The following TMEM89 variants were observed in gnomAD, a reference collection of about 807,000 sequenced individuals.
TMEM89 encodes transmembrane protein 89.
TMEM89 carries 4 observed loss-of-function variants against 9.3 expected under a neutral mutation model. The observed-to-expected ratio is 0.43, with a 90% CI of 0.21 to 0.98. The LOEUF is 0.98. Among genes scored for constraint, TMEM89 ranks in the 50% least tolerant of loss-of-function variants. TMEM89 has a pLI of 0.27. For synonymous variants in TMEM89, 96 were observed against 92.5 expected, an observed-to-expected ratio of 1.04 and a Z score of -0.21; for missense variants, 220 against 214.7, an observed-to-expected ratio of 1.02 and a Z score of -0.15.
At position 48,621,504 on chromosome 3, in the gene TMEM89, T is replaced by C; in HGVS notation, c.253A>G (p.Ile85Val). The C allele has an allele frequency of 1.2e-6, 2 of 1,613,838 alleles. No individual in the cohort carries two copies. Among genetic ancestry groups the C allele is most frequent in the Non-Finnish European group, 1.7e-6 (2 of 1,179,950 alleles). Residue 85 changes from isoleucine (I) to valine (V), a missense_variant, in exon 1 of 2, where the codon ATA (isoleucine) becomes GTA (valine). By Grantham distance (29) the Ile-to-Val change is conservative. Coordinates refer to ENST00000330862, the MANE Select transcript of TMEM89 (RefSeq NM_001008269.3). ...TTTMLMICRK[I>V]LQGRRRSQAT... ...TGTGAGCGCCGCCGCCCCTGCAGTATCTTGCGGCAGATCATCAGCATCGTG... is the reference window on the plus strand; with the variant it reads ...TGTGAGCGCCGCCGCCCCTGCAGTACCTTGCGGCAGATCATCAGCATCGTG...
At chr3:48,621,066 G>T (rs1326809065) in intron 1 of TMEM89, 39 bp from the exon 2 acceptor site, 3 of 1,599,864 alleles carry the variant, frequency 1.9e-6, no homozygotes, top group South Asian at 2.2e-5. Context: ...AGAATGGTGG[G>T]CAGAGAGGGA....
At position 48,620,996 on chromosome 3, in the gene TMEM89, G is replaced by A; in HGVS notation, c.326C>T (p.Pro109Leu). 1 of 1,614,096 alleles carries A rather than the reference G, an allele frequency of 6.2e-7. No homozygotes were observed. Among genetic ancestry groups the A allele is most frequent in the Non-Finnish European group, 8.5e-7 (1 of 1,180,018 alleles). The change falls in exon 2 of 2, where the codon CCC becomes CTC. Residue 109 changes from proline (P) to leucine (L), a missense_variant. Transcript: ENST00000330862. ...HPQVTTEPCG[P>L]WKRRAPISDH... ...TGAGATTGGGGCCCGCCGTTTCCAG[G>A]GTCCGCAGGGCTCAGTGGTCACCTG...
chr3:48,621,085 A>G (rs959346886), intron 1 of TMEM89, 58 bp from the exon 2 acceptor site: 2 of 1,568,964 alleles, frequency 1.3e-6, no homozygotes, highest in South Asian at 2.2e-5. Flanking sequence ...GAGATGTGAC[A>G]AGGGGCAGTG....
Position 48,621,602 on chromosome 3 carries a change from A to T in TMEM89, c.155T>A (p.Leu52Gln), listed in dbSNP as rs773991901. ...PKSVEGCRGG[L>Q]SCPGYWLGPG... ...GCCCAGCCAGTAGCCAGGACAGCTC[A>T]GGCCACCCCTACAGCCCTCCACACT... Residue 52 changes from leucine (L) to glutamine (Q), a missense_variant, in exon 1 of 2, where the codon CTG (leucine) becomes CAG (glutamine). Transcript: ENST00000330862. 6.2e-7 allele frequency: 1 copy of T among 1,613,840 alleles called. No individual in the cohort carries two copies.
chr3:48,621,459 T>C lies in TMEM89; in HGVS notation c.294+4A>G. On this transcript the variant is annotated splice_donor_region_variant and intron_variant, in intron 1 of 1. Coordinates refer to ENST00000330862, the MANE Select transcript of TMEM89 (RefSeq NM_001008269.3). ...TGTGGGGGAGAAAGAAGAGCTGTGC[T>C]CACCTCACCCTTGGTGGCCTGTGAG... 3 of 1,612,048 alleles carry C rather than the reference T, an allele frequency of 1.9e-6. No homozygotes were observed. Among genetic ancestry groups the C allele is most frequent in the Non-Finnish European group, 1.7e-6 (2 of 1,179,374 alleles).
intron 1 of TMEM89, 104 bp from the exon 2 acceptor site, chr3:48,621,131 G>A: frequency 8.6e-7 from 1 of 1,167,100 alleles, no homozygotes; most frequent in Non-Finnish European, 1.2e-6. Context: ...GTGTGGGGCA[G>A]TGCCCAGATG....
chr3:48,621,645 A>G lies in TMEM89; in HGVS notation c.112T>C (p.Trp38Arg). ...TCCACACTCTTTGGCTGACACCCCC[A>G]GGGCTGCAAGTCCAGCCCCACCTGG... ...WYQVGLDLQP[W>R]GCQPKSVEGC... Residue 38 changes from tryptophan (W) to arginine (R), a missense_variant, in exon 1 of 2, where the codon TGG (tryptophan) becomes CGG (arginine). Transcript: ENST00000330862. 1 of 1,613,926 alleles carries G rather than the reference A, an allele frequency of 6.2e-7. No homozygotes were observed. The highest frequency in any genetic ancestry group is 8.5e-7 in the Non-Finnish European group (1 of 1,179,970).
In TMEM89 at chr3:48,621,242, A is replaced by G. The variant is rs1416683409; in HGVS notation, c.295-215T>C. The stretch of plus-strand genomic sequence containing the variant: ...GGGGCTGGATGAGAGCAGGGGTACT[A>G]AAGGGGAGAGTTGGGGGCAGGGTGC... On this transcript the variant is annotated intron_variant, in intron 1 of 1. Transcript: ENST00000330862. Among the ~76,000 whole-genome samples the G allele has an allele frequency of 2.0e-5, 3 of 151,756 alleles. No homozygotes were observed. In the South Asian group the frequency reaches 6.3e-4, roughly 32 times the overall value.
rs149341572 is a variant in TMEM89, at chr3:48,621,488, C to T, written c.269G>A (p.Arg90Gln). ...CTCACCCTTGGTGGCCTGTGAGCGCCGCCGCCCCTGCAGTATCTTGCGGCA... is the reference window on the plus strand; with the variant it reads ...CTCACCCTTGGTGGCCTGTGAGCGCTGCCGCCCCTGCAGTATCTTGCGGCA... ...MICRKILQGR[R>Q]RSQATKGEHP... The change falls in exon 1 of 2, where the codon CGG becomes CAG. Residue 90 changes from arginine (R) to glutamine (Q), a missense_variant. Coordinates refer to ENST00000330862, the MANE Select transcript of TMEM89 (RefSeq NM_001008269.3). 475 of 1,613,464 alleles carry T rather than the reference C, an allele frequency of 2.9e-4. 1 individual carries two copies. The highest frequency in any genetic ancestry group is 1.7e-4 in the Middle Eastern group (1 of 6,036).
Position 48,620,944 on chromosome 3 carries a change from C to T in TMEM89, c.378G>A (p.Leu126=), listed in dbSNP as rs780800359. ...GGACCAGGAGGGCATCCAGCATGTG[C>T]AGGACCCCACGGAGCAGGGTGTGGT... ...ISDHTLLRGV[L]HMLDALLVHI... is the part of the protein sequence containing the mutation. The change falls in exon 2 of 2, where the codon CTG becomes CTA. Residue 126 remains leucine (L), a synonymous_variant. Transcript: ENST00000330862. 1.2e-6 allele frequency: 2 copies of T among 1,614,030 alleles called. No individual in the cohort carries two copies. The highest frequency in any genetic ancestry group is 1.7e-6 in the Non-Finnish European group (2 of 1,180,036).
chr3:48,620,990 T>C lies in TMEM89; in HGVS notation c.332A>G (p.Lys111Arg). 3.1e-6 allele frequency: 5 copies of C among 1,614,054 alleles called. No individual in the cohort carries two copies. The highest frequency in any genetic ancestry group is 4.2e-6 in the Non-Finnish European group (5 of 1,180,012). ...GTGGTCTGAGATTGGGGCCCGCCGT[T>C]TCCAGGGTCCGCAGGGCTCAGTGGT... is the stretch of plus-strand genomic sequence containing the variant. ...QVTTEPCGPWKRRAPISDHTL... is the reference protein window; with the variant it reads ...QVTTEPCGPWRRRAPISDHTL... The change falls in exon 2 of 2, where the codon AAA becomes AGA. Residue 111 changes from lysine to arginine, a missense_variant. Physicochemically the swap from Lys to Arg is conservative, Grantham distance 26. Coordinates refer to ENST00000330862, the MANE Select transcript of TMEM89 (RefSeq NM_001008269.3).
At chr3:48,621,437 G>A (rs1287326899) in intron 1 of TMEM89, 26 bp downstream of exon 1, 3 of 1,607,144 alleles carry the variant, frequency 1.9e-6, no homozygotes, top group East Asian at 2.2e-5. Flanking sequence ...CAGGGGCTGT[G>A]GGGGAGAAAG....
In TMEM89 at chr3:48,621,457, G is replaced by A; in HGVS notation, c.294+6C>T. 3.1e-6 allele frequency: 5 copies of A among 1,611,752 alleles called. No homozygotes were observed. The highest frequency in any genetic ancestry group is 4.2e-6 in the Non-Finnish European group (5 of 1,179,278). On this transcript the variant is annotated splice_donor_region_variant and intron_variant, in intron 1 of 1. Transcript: ENST00000330862. ...GCTGTGGGGGAGAAAGAAGAGCTGTGCTCACCTCACCCTTGGTGGCCTGTG... is the reference window on the plus strand; with the variant it reads ...GCTGTGGGGGAGAAAGAAGAGCTGTACTCACCTCACCCTTGGTGGCCTGTG...
chr3:48,621,688 C>G lies in TMEM89; in HGVS notation c.69G>C (p.Trp23Cys). The change falls in exon 1 of 2, where the codon TGG becomes TGC. Residue 23 changes from tryptophan (W) to cysteine (C), a missense_variant. By Grantham distance (215) the Trp-to-Cys change is radical (BLOSUM62 -2). Coordinates refer to ENST00000330862, the MANE Select transcript of TMEM89 (RefSeq NM_001008269.3). Reference protein sequence around the residue: ...LLVTSASTHAWSRPLWYQVGL... With the variant: ...LLVTSASTHACSRPLWYQVGL... ...CCACCTGGTACCAGAGGGGTCTCGA[C>G]CAGGCGTGGGTGGAGGCAGACGTCA... The G allele has an allele frequency of 6.2e-7, 1 of 1,613,852 alleles. No individual in the cohort carries two copies. The highest frequency in any genetic ancestry group is 2.2e-5 in the East Asian group (1 of 44,880).
intron 1 of TMEM89, 49 bp downstream of exon 1, chr3:48,621,414 A>T: frequency 6.3e-7 from 1 of 1,592,608 alleles, no homozygotes; most frequent in Non-Finnish European, 8.5e-7. Flanking sequence ...CACTGAGCGT[A>T]CGTATATTGA....
chr3:48,621,316 G>T, intron 1 of TMEM89, 147 bp downstream of exon 1: 1 of 1,045,168 alleles, frequency 9.6e-7, no homozygotes, highest in Non-Finnish European at 1.4e-6. Context: ...TGGACACAGG[G>T]ACAATGGGCT....
intron 1 of TMEM89, 119 bp downstream of exon 1, chr3:48,621,344 G>A (rs1249282429): frequency 1.6e-6 from 2 of 1,252,262 alleles, no homozygotes; most frequent in Non-Finnish European, 1.1e-6. Context: ...GGGGGTGGGG[G>A]TGTGGGAGGT....
chr3:48,621,000 C>CA lies in TMEM89; in HGVS notation c.321_322insT (p.Gly108TrpfsTer62), dbSNP rs780332869. On this transcript the variant is annotated frameshift_variant, in exon 2 of 2. Coordinates refer to ENST00000330862, the MANE Select transcript of TMEM89 (RefSeq NM_001008269.3). LOFTEE classifies it low-confidence loss of function (END_TRUNC). Reference sequence around the variant, plus strand: ...ATTGGGGCCCGCCGTTTCCAGGGTCCGCAGGGCTCAGTGGTCACCTGCGGA... The same window carrying CA: ...ATTGGGGCCCGCCGTTTCCAGGGTCCAGCAGGGCTCAGTGGTCACCTGCGGA... 2 of 1,614,020 alleles carry CA rather than the reference C, an allele frequency of 1.2e-6. No individual in the cohort carries two copies. The highest frequency in any genetic ancestry group is 1.7e-6 in the Non-Finnish European group (2 of 1,179,976).
At position 48,620,777 on chromosome 3, in the gene TMEM89, G is replaced by C; in HGVS notation, c.*65C>G. On this transcript the variant is annotated 3_prime_UTR_variant, in exon 2 of 2. Coordinates refer to ENST00000330862, the MANE Select transcript of TMEM89 (RefSeq NM_001008269.3). ...TGAAAAGGGACACACGGTCCAGACAGGCCTGGAAAGAGCAGACCTGGCCCA... is the reference window on the plus strand; with the variant it reads ...TGAAAAGGGACACACGGTCCAGACACGCCTGGAAAGAGCAGACCTGGCCCA... The C allele has an allele frequency of 2.0e-6, 3 of 1,496,510 alleles. No homozygotes were observed. Among genetic ancestry groups the C allele is most frequent in the Non-Finnish European group, 2.8e-6 (3 of 1,076,450 alleles). The allele number at this position is 1,496,510 out of a possible 1,614,324, so 92.7% of individuals were successfully genotyped here.
Sources: gnomAD v4.1 joint callset for allele counts (sites outside exome capture counted in the v4.1 genomes callset) on GRCh38, gnomAD v4.1.1 for gene constraint, MANE v1.5 for transcripts, NCBI Gene and HGNC (gene_info 2026-07-23, HGNC 2026-07-21) for gene names.